ANXA11: variants seen among roughly 807,000 people sequenced by gnomAD.
ANXA11 encodes annexin A11.
In ANXA11, 57 loss-of-function variants were observed where a neutral mutation model predicts 64.7. That is an observed-to-expected ratio of 0.88 (90% CI 0.71 to 1.10). ANXA11 has a LOEUF of 1.10. ANXA11 is among the 50% of genes least tolerant of loss of function. The pLI, the probability that ANXA11 is intolerant of heterozygous loss-of-function variation, is 0.00. For synonymous variants in ANXA11, 260 were observed against 265.2 expected (o/e 0.98, Z 0.19); for missense variants, 675 against 670.7 (o/e 1.01, Z -0.07).
Position 80,198,228 on chromosome 10 carries a change from A to G in ANXA11, c.-58+7115T>C, listed in dbSNP as rs12262027. ...TTAGCCAACAGCAAGACTGATAAGC[A>G]TAGTAGTAGTTTCAAATTCAGGAGA... is the stretch of plus-strand genomic sequence containing the variant. On this transcript the variant is annotated intron_variant, in intron 1 of 15. Coordinates refer to ENST00000422982, the MANE Select transcript of ANXA11 (RefSeq NM_145868.2). 1.3e-3 allele frequency among the ~76,000 whole-genome samples: 201 copies of G among 152,362 alleles called. 1 individual carries two copies. The highest frequency in any genetic ancestry group is 4.5e-3 in the African/African-American group (187 of 41,590).
intron 5 of ANXA11, among the ~76,000 whole-genome samples, chr10:80,167,613 C>G (rs571356282): frequency 5.9e-5 from 9 of 152,286 alleles, no homozygotes; most frequent in Non-Finnish European, 1.2e-4. Context: ...GGGGCTCAGG[C>G]TCCTGATGAA....
chr10:80,157,844 AC>A, intron 14 of ANXA11, 81 bp from the exon 15 acceptor site: 5 of 1,586,116 alleles, frequency 3.2e-6, no homozygotes, highest in Non-Finnish European at 4.3e-6. Flanking sequence ...TCCCCTCCCT[AC>A]CCAGGTCCTC....
At chr10:80,205,317 C>G (rs1360803080) in intron 1 of ANXA11, 26 bp downstream of exon 1, 1 of 151,854 alleles carries the variant, frequency 6.6e-6, no homozygotes, top group Non-Finnish European at 1.5e-5. Context: ...TCCCAGGCCC[C>G]CAGCCGGCTC....
chr10:80,203,442 G>A (rs137969796), intron 1 of ANXA11, among the ~76,000 whole-genome samples: 2 of 152,066 alleles, frequency 1.3e-5, no homozygotes, highest in East Asian at 1.9e-4. Flanking sequence ...CCCTCCCCAC[G>A]TTTCTCTATC....
chr10:80,159,226 A>G, intron 12 of ANXA11, 31 bp from the exon 13 acceptor site: 1 of 1,575,452 alleles, frequency 6.3e-7, no homozygotes, highest in Non-Finnish European at 8.7e-7. Context: ...TATATTATGA[A>G]CTGAAATGTG....
chr10:80,159,969 C>T (rs539870229), intron 12 of ANXA11, among the ~76,000 whole-genome samples: 5 of 152,302 alleles, frequency 3.3e-5, no homozygotes, highest in South Asian at 2.1e-4. Context: ...CTGCTCACCT[C>T]GACCTAGGAC....
intron 12 of ANXA11, among the ~76,000 whole-genome samples, chr10:80,160,864 T>C (rs372602396): frequency 6.6e-6 from 1 of 152,020 alleles, no homozygotes; most frequent in Non-Finnish European, 1.5e-5. Context: ...AGGGCCATTC[T>C]CCCACTGCTT....
At chr10:80,187,374 G>A (rs1846581410) in intron 1 of ANXA11, among the ~76,000 whole-genome samples, 1 of 152,184 alleles carries the variant, frequency 6.6e-6, no homozygotes, top group Non-Finnish European at 1.5e-5. Context: ...CCAGAAAGTG[G>A]GCCCTCACCA....
At chr10:80,194,470 G>T (rs946027133) in intron 1 of ANXA11, among the ~76,000 whole-genome samples, 3 of 152,014 alleles carry the variant, frequency 2.0e-5, no homozygotes, top group Non-Finnish European at 2.9e-5. Flanking sequence ...ACACAATAGC[G>T]CACTTCCAGG....
chr10:80,204,492 G>A (rs1349246676), intron 1 of ANXA11, among the ~76,000 whole-genome samples: 1 of 152,242 alleles, frequency 6.6e-6, no homozygotes, highest in Admixed American at 6.5e-5. Flanking sequence ...GAGAACAGAG[G>A]GGAGAGCTAC....
chr10:80,179,246 C>T (rs1436575725), intron 1 of ANXA11, among the ~76,000 whole-genome samples: 3 of 152,094 alleles, frequency 2.0e-5, no homozygotes, highest in Non-Finnish European at 2.9e-5. Flanking sequence ...GATCTGCCTG[C>T]CACATGATTG....
intron 3 of ANXA11, among the ~76,000 whole-genome samples, chr10:80,172,414 C>T (rs753311855): frequency 1.3e-5 from 2 of 152,142 alleles, no homozygotes; most frequent in Admixed American, 6.5e-5. Context: ...TGGAGGACAC[C>T]GTGTCGCTCT....
intron 13 of ANXA11, 89 bp from the exon 14 acceptor site, chr10:80,158,114 C>A: frequency 8.1e-7 from 1 of 1,227,002 alleles, no homozygotes; most frequent in Non-Finnish European, 1.2e-6. Context: ...TCTTAGAGGC[C>A]CAGATGTCAA....
intron 1 of ANXA11, among the ~76,000 whole-genome samples, chr10:80,186,186 A>G (rs1355089811): frequency 6.6e-6 from 1 of 152,154 alleles, no homozygotes; most frequent in Non-Finnish European, 1.5e-5. Context: ...TGTTCCCATT[A>G]TATCATGTAA....
At chr10:80,205,109 A>T (rs1434938540) in intron 1 of ANXA11, among the ~76,000 whole-genome samples, 1 of 151,994 alleles carries the variant, frequency 6.6e-6, no homozygotes, top group Non-Finnish European at 1.5e-5. Flanking sequence ...ACCACACATG[A>T]GGGAGCAGCC....
chr10:80,157,487 G>A, intron 15 of ANXA11, 154 bp downstream of exon 15: 1 of 985,312 alleles, frequency 1.0e-6, no homozygotes, highest in Non-Finnish European at 1.2e-6. Flanking sequence ...TTTATAATCT[G>A]TTTAAGGGCA....
chr10:80,188,511 A>ATAATATATG (rs1554834982), intron 1 of ANXA11, among the ~76,000 whole-genome samples: 1 of 126,504 alleles, frequency 7.9e-6, no homozygotes, highest in African/African-American at 3.0e-5. Flanking sequence ...ATATATATAT[A>ATAATATATG]GCACTACAAC....
chr10:80,166,042 G>GTGCGCACACACACGCACA (rs1845715366), intron 8 of ANXA11, 42 bp downstream of exon 8: 1 of 450,722 alleles, frequency 2.2e-6, no homozygotes, highest in African/African-American at 2.2e-5. Context: ...ACACACGCGC[G>GTGCGCACACACACGCACA]CACACACACA....
In ANXA11 at chr10:80,152,970, A is replaced by T. The variant is rs1419327793; in HGVS notation, c.*2883T>A. 6.6e-6 allele frequency: 1 copy of T among 152,236 alleles called. No individual in the cohort carries two copies. The highest frequency in any genetic ancestry group is 6.5e-5 in the Admixed American group (1 of 15,284). 9.4% of individuals were successfully genotyped at this position (152,236 alleles called of 1,614,324 possible). ...TCAGCAGGGCAGTTATACCTTTTCC[A>T]AACAATAGTGGCTTTGAGCCAAGTA... On this transcript the variant is annotated 3_prime_UTR_variant, in exon 16 of 16. Transcript: ENST00000422982.
Sources: allele counts gnomAD v4.1 joint callset (sites outside exome capture counted in the v4.1 genomes callset), GRCh38; gene constraint gnomAD v4.1.1; transcripts MANE v1.5; gene names NCBI Gene and HGNC (gene_info 2026-07-23, HGNC 2026-07-21).